The following MTMR9 variants were observed in gnomAD, a reference collection of about 807,000 sequenced individuals.
MTMR9 encodes myotubularin-related protein 9.
In MTMR9, 39 loss-of-function variants were observed where a neutral mutation model predicts 69.5. That is an observed-to-expected ratio of 0.56 (90% CI 0.43 to 0.73). The LOEUF (loss-of-function observed/expected upper bound fraction) is 0.73. MTMR9 is among the 30% of genes least tolerant of loss of function. The probability of loss-of-function intolerance (pLI) is 0.00; values close to 1 mark genes in which losing one functional copy is unlikely to be tolerated. For missense variants in MTMR9, 900 were observed against 671.2 expected, an observed-to-expected ratio of 1.34 and a Z score of -3.77; for synonymous variants, 354 against 240.8, an observed-to-expected ratio of 1.47 and a Z score of -4.35.
At chr8:11,303,664 G>C (rs1799832729) in intron 3 of MTMR9, among the ~76,000 whole-genome samples, 1 of 152,012 alleles carries the variant, frequency 6.6e-6, no homozygotes, top group African/African-American at 2.4e-5. Flanking sequence ...ATCCTAAGTA[G>C]CTGGAAATAC....
chr8:11,318,036 T>A (rs560133925), intron 8 of MTMR9: 3 of 152,272 alleles, frequency 2.0e-5, no homozygotes, highest in African/African-American at 7.2e-5. Context: ...TAACGCATAA[T>A]CATTAAAGGC....
At chr8:11,294,376 G>C (rs1799473790) in intron 1 of MTMR9, among the ~76,000 whole-genome samples, 1 of 151,728 alleles carries the variant, frequency 6.6e-6, no homozygotes, top group Non-Finnish European at 1.5e-5. Flanking sequence ...TTTTTTGTGG[G>C]GTTTTTTGTA....
chr8:11,314,221 T>G, intron 6 of MTMR9, among the ~76,000 whole-genome samples: 1 of 152,214 alleles, frequency 6.6e-6, no homozygotes, highest in East Asian at 1.9e-4. Context: ...CTTCATTGTT[T>G]CAACAGAAAG....
chr8:11,298,746 A>T (rs1374900854), intron 2 of MTMR9: 1 of 901,858 alleles, frequency 1.1e-6, no homozygotes, highest in Non-Finnish European at 1.3e-6. Flanking sequence ...CCAGTATAGA[A>T]ATACTTTTTT....
downstream of MTMR9, chr8:11,330,968 G>A: frequency 1.4e-6 from 2 of 1,415,786 alleles, no homozygotes; most frequent in Non-Finnish European, 1.9e-6. Context: ...GTTGGACTCA[G>A]CGGGAAAATA....
chr8:11,313,508 C>G (rs994578161), intron 6 of MTMR9, among the ~76,000 whole-genome samples: 4 of 152,230 alleles, frequency 2.6e-5, no homozygotes, highest in Non-Finnish European at 4.4e-5. Context: ...TTCGACGTGC[C>G]TTCCTCACTA....
chr8:11,312,028 C>G (rs1352176724), intron 6 of MTMR9, among the ~76,000 whole-genome samples: 2 of 152,028 alleles, frequency 1.3e-5, no homozygotes, highest in East Asian at 1.9e-4. Context: ...GCAATTCAGT[C>G]AAATCTTCAG....
intron 9 of MTMR9, chr8:11,321,393 A>G (rs1441086093): frequency 4.4e-6 from 2 of 456,206 alleles, no homozygotes; most frequent in African/African-American, 4.0e-5. Context: ...ACTTAAAGCC[A>G]CTGTCACATT....
intron 1 of MTMR9, among the ~76,000 whole-genome samples, chr8:11,291,484 T>G (rs891008154): frequency 2.7e-4 from 41 of 152,118 alleles, no homozygotes; most frequent in African/African-American, 9.4e-4. Context: ...GAACTGAATC[T>G]GACAATTGAT....
At chr8:11,335,652 T>C in the MTMR9 span, among the ~76,000 whole-genome samples, 31 of 152,210 alleles carry the variant, frequency 2.0e-4, no homozygotes, top group African/African-American at 7.5e-4. Context: ...CTTCAAGATT[T>C]ATTATAAAGC....
rs764417303 is a variant in MTMR9, at chr8:11,309,624, A to C, written c.907A>C (p.Asn303His). ...ATGGCTCAGTAAATTGGAGGCCTCT[A>C]ACTGGCTGACTCACATCAAAGAGAT... Reference protein sequence around the residue: ...DRWLSKLEASNWLTHIKEILT... With the variant: ...DRWLSKLEASHWLTHIKEILT... The change falls in exon 6 of 10, where the codon AAC becomes CAC. Residue 303 changes from asparagine to histidine, a missense_variant. Asn to His is a moderately conservative substitution (Grantham distance 68). Transcript: ENST00000221086. 6.2e-7 allele frequency: 1 copy of C among 1,614,004 alleles called. No individual in the cohort carries two copies. Among genetic ancestry groups the C allele is most frequent in the East Asian group, 2.2e-5 (1 of 44,888 alleles).
At position 11,319,772 on chromosome 8, in the gene MTMR9, C is replaced by G; in HGVS notation, c.1420C>G (p.Leu474Val). ...PSELSKFTNP[L>V]FEANNLVIWP... ...TGAGCTGAGTAAATTCACCAATCCC[C>G]TCTTTGAAGCCAACAACCTTGTCAT... Residue 474 changes from leucine to valine, a missense_variant, in exon 9 of 10, where the codon CTC (leucine) becomes GTC (valine). Leu to Val is a conservative substitution (Grantham distance 32, BLOSUM62 1). Transcript: ENST00000221086. 3 of 1,614,174 alleles carry G rather than the reference C, an allele frequency of 1.9e-6. No individual in the cohort carries two copies. The highest frequency in any genetic ancestry group is 2.5e-6 in the Non-Finnish European group (3 of 1,180,016).
At chr8:11,338,452 T>A in the MTMR9 span, among the ~76,000 whole-genome samples, 2 of 152,100 alleles carry the variant, frequency 1.3e-5, no homozygotes, top group African/African-American at 4.8e-5. Context: ...CTCCATAGTG[T>A]CAATGGTGAG....
chr8:11,335,396 T>C, the MTMR9 span, among the ~76,000 whole-genome samples: 1 of 152,214 alleles, frequency 6.6e-6, no homozygotes, highest in Non-Finnish European at 1.5e-5. Context: ...AGCTACGAAG[T>C]TCTGATGAAG....
At chr8:11,290,856 C>T (rs915429081) in intron 1 of MTMR9, among the ~76,000 whole-genome samples, 5 of 149,694 alleles carry the variant, frequency 3.3e-5, no homozygotes, top group East Asian at 2.0e-4. Context: ...CTAGTTGCCC[C>T]GCTTTCGTTT....
At chr8:11,285,126 C>T (rs1054739002) in intron 1 of MTMR9, 56 bp downstream of exon 1, 8 of 1,451,780 alleles carry the variant, frequency 5.5e-6, no homozygotes, top group Non-Finnish European at 6.4e-6. Flanking sequence ...TTGTGGGCGC[C>T]CCGGGAAATA....
chr8:11,288,572 G>A (rs1799274680), intron 1 of MTMR9, among the ~76,000 whole-genome samples: 1 of 152,036 alleles, frequency 6.6e-6, no homozygotes, highest in African/African-American at 2.4e-5. Flanking sequence ...ACAAAGACTT[G>A]AGATGGGGAA....
chr8:11,296,442 A>G (rs1799566470), intron 2 of MTMR9, among the ~76,000 whole-genome samples: 1 of 152,192 alleles, frequency 6.6e-6, no homozygotes, highest in Admixed American at 6.5e-5. Context: ...TGTACAGTTT[A>G]GTAGGGTATA....
At chr8:11,320,986 A>G (rs538316144) in intron 9 of MTMR9, 16 of 159,946 alleles carry the variant, frequency 1.0e-4, no homozygotes, top group African/African-American at 3.8e-4. Context: ...AAGGCAGTTC[A>G]CGTGTGGAAA....
Sources: gnomAD v4.1 joint callset for allele counts (sites outside exome capture counted in the v4.1 genomes callset) on GRCh38, gnomAD v4.1.1 for gene constraint, MANE v1.5 for transcripts, NCBI Gene and HGNC (gene_info 2026-07-23, HGNC 2026-07-21) for gene names.